LINGO2: variants seen among roughly 807,000 people sequenced by gnomAD.
LINGO2 encodes the protein leucine-rich repeat and immunoglobulin-like domain-containing nogo receptor-interacting protein 2.
In LINGO2, 14 loss-of-function variants were observed where a neutral mutation model predicts 30.6. The observed-to-expected ratio is 0.46, with a 90% confidence interval of 0.30 to 0.72. The LOEUF is 0.72. LINGO2 is among the 30% of genes least tolerant of loss of function. The probability of loss-of-function intolerance (pLI) is 0.07; values close to 1 mark genes in which losing one functional copy is unlikely to be tolerated. For missense variants in LINGO2, 729 were observed against 751.7 expected, an observed-to-expected ratio of 0.97 and a Z score of 0.35; for synonymous variants, 317 against 288.5, an observed-to-expected ratio of 1.10 and a Z score of -1.00.
intron 4 of LINGO2, among the ~76,000 whole-genome samples, chr9:28,211,858 C>G (rs1255808254): frequency 3.3e-5 from 5 of 151,320 alleles, no homozygotes; most frequent in Non-Finnish European, 7.4e-5. Context: ...CTCTCTCTCC[C>G]TTCCTTCCTT....
chr9:28,663,544 C>G (rs1055973292), intron 1 of LINGO2, among the ~76,000 whole-genome samples: 1 of 152,144 alleles, frequency 6.6e-6, no homozygotes, highest in Non-Finnish European at 1.5e-5. Context: ...CAACAATTCA[C>G]TGCAATTCAA....
chr9:28,688,606 C>T, the LINGO2 span, among the ~76,000 whole-genome samples: 1 of 152,126 alleles, frequency 6.6e-6, no homozygotes, highest in African/African-American at 2.4e-5. Flanking sequence ...AGCCTAAAAG[C>T]TGTGTTCCTC....
At chr9:29,126,243 A>G in the LINGO2 span, among the ~76,000 whole-genome samples, 1 of 151,340 alleles carries the variant, frequency 6.6e-6, no homozygotes, top group South Asian at 2.1e-4. Flanking sequence ...AGCCAGAACA[A>G]TGTGGTTAAG....
At chr9:28,340,459 T>C (rs1825731829) in intron 3 of LINGO2, among the ~76,000 whole-genome samples, 1 of 152,100 alleles carries the variant, frequency 6.6e-6, no homozygotes, top group South Asian at 2.1e-4. Flanking sequence ...TATATGAAAT[T>C]TGATTTGAAG....
intron 1 of LINGO2, among the ~76,000 whole-genome samples, chr9:28,531,308 C>A (rs1025324143): frequency 2.0e-5 from 3 of 151,986 alleles, no homozygotes; most frequent in African/African-American, 7.2e-5. Flanking sequence ...CCTTCCATCC[C>A]ACACAATCTC....
intron 4 of LINGO2, 27 bp downstream of exon 6, chr9:28,295,181 T>C (rs910068777): frequency 1.3e-5 from 2 of 152,524 alleles, no homozygotes; most frequent in African/African-American, 4.8e-5. Flanking sequence ...AAGTAATAAA[T>C]GATCAGATGT....
At chr9:28,988,434 G>A in the LINGO2 span, among the ~76,000 whole-genome samples, 2 of 152,090 alleles carry the variant, frequency 1.3e-5, no homozygotes, top group Admixed American at 6.6e-5. Flanking sequence ...AAAGTAAGGT[G>A]AGACTGTATT....
chr9:29,079,112 T>TG, the LINGO2 span, among the ~76,000 whole-genome samples: 1 of 151,052 alleles, frequency 6.6e-6, no homozygotes, highest in Admixed American at 6.6e-5. Context: ...GTTCCTAATT[T>TG]GGGTATAGAC....
chr9:27,966,872 T>C (rs947565752), intron 5 of LINGO2, among the ~76,000 whole-genome samples: 57 of 152,150 alleles, frequency 3.7e-4, no homozygotes, highest in African/African-American at 1.4e-3. Flanking sequence ...GGAGAACAAC[T>C]ACCCCTCCTT....
intron 1 of LINGO2, among the ~76,000 whole-genome samples, chr9:28,514,694 G>A (rs1587789307): frequency 1.3e-5 from 2 of 152,216 alleles, no homozygotes; most frequent in African/African-American, 4.8e-5. Context: ...TAACGTAAAA[G>A]TGCAAGCGGA....
the LINGO2 span, among the ~76,000 whole-genome samples, chr9:29,189,913 G>A: frequency 3.3e-5 from 5 of 151,738 alleles, no homozygotes; most frequent in African/African-American, 1.2e-4. Flanking sequence ...TCAGCAGGCT[G>A]AGGCAGGAGA....
intron 5 of LINGO2, among the ~76,000 whole-genome samples, chr9:27,990,118 A>T (rs1423920664): frequency 1.3e-5 from 2 of 152,010 alleles, no homozygotes; most frequent in Non-Finnish European, 2.9e-5. Flanking sequence ...TGCTTACTTC[A>T]TTTTAACTGA....
chr9:28,195,681 T>G (rs958122876), intron 4 of LINGO2, among the ~76,000 whole-genome samples: 1 of 151,532 alleles, frequency 6.6e-6, no homozygotes, highest in African/African-American at 2.4e-5. Context: ...TCTGAAAAAC[T>G]TCCATCAACA....
At chr9:28,287,878 A>G (rs1248180371) in intron 4 of LINGO2, among the ~76,000 whole-genome samples, 1 of 152,184 alleles carries the variant, frequency 6.6e-6, no homozygotes, top group African/African-American at 2.4e-5. Flanking sequence ...AGGGTTTTAA[A>G]GTCAGTTTTA....
At chr9:28,759,883 A>G in the LINGO2 span, among the ~76,000 whole-genome samples, 28 of 152,078 alleles carry the variant, frequency 1.8e-4, 1 homozygote, top group South Asian at 5.6e-3. Context: ...AGAGGGTAAA[A>G]CATGGGTCAG....
At chr9:28,553,185 C>T (rs145862858) in intron 1 of LINGO2, among the ~76,000 whole-genome samples, 4,601 of 151,976 alleles carry the variant, frequency 0.03, 177 homozygotes, top group East Asian at 0.096. Flanking sequence ...AGGCTTCAGA[C>T]GATCAAATTA....
intron 1 of LINGO2, among the ~76,000 whole-genome samples, chr9:28,534,897 T>C (rs1046682863): frequency 6.6e-6 from 1 of 152,156 alleles, no homozygotes; most frequent in African/African-American, 2.4e-5. Context: ...GCTGCTCTAT[T>C]ATTGTATATC....
At chr9:27,950,325 C>G (rs951041651) in exon 6 of LINGO2, 1 of 1,614,122 alleles carries the variant, frequency 6.2e-7, no homozygotes, top group Non-Finnish European at 8.5e-7. Context: ...CAGCTTTAGA[C>G]GATTGCCTTT....
the LINGO2 span, among the ~76,000 whole-genome samples, chr9:29,087,361 C>T: frequency 2.0e-4 from 30 of 152,244 alleles, no homozygotes; most frequent in Admixed American, 3.9e-4. Flanking sequence ...AGGACTGGTA[C>T]ACATTAAGCC....
Sources: allele counts gnomAD v4.1 joint callset (sites outside exome capture counted in the v4.1 genomes callset), GRCh38; gene constraint gnomAD v4.1.1; transcripts MANE v1.5; gene names NCBI Gene and HGNC (gene_info 2026-07-23, HGNC 2026-07-21).